Variants in CFAP70 observed in about 807,000 individuals in gnomAD.
CFAP70 encodes cilia and flagella associated protein 70, also known as cilia- and flagella-associated protein 70.
A neutral mutation model predicts 137.6 loss-of-function variants in CFAP70; 81 were observed. The observed-to-expected ratio is 0.59, with a 90% confidence interval of 0.49 to 0.71. CFAP70 has a LOEUF of 0.71. CFAP70 is among the 30% of genes least tolerant of loss of function. The pLI is 0.00. For synonymous variants in CFAP70, 382 were observed against 423.6 expected (o/e 0.90, Z 1.20); for missense variants, 976 against 1,226.7 (o/e 0.80, Z 3.05).
At chr10:73,299,498 C>G in intron 13 of CFAP70, 107 bp downstream of exon 14, 1 of 894,756 alleles carries the variant, frequency 1.1e-6, no homozygotes, top group Non-Finnish European at 1.8e-6. Context: ...AAGCTTCAAA[C>G]AAGTTTTCAC....
intron 6 of CFAP70, among the ~76,000 whole-genome samples, chr10:73,340,973 C>T (rs974275709): frequency 9.2e-5 from 14 of 152,236 alleles, no homozygotes; most frequent in African/African-American, 2.4e-4. Flanking sequence ...CTCCATGGAG[C>T]GTGTAGGCCC....
chr10:73,253,987 A>G (rs1381345321), exon 27 of CFAP70: 1 of 1,604,568 alleles, frequency 6.2e-7, no homozygotes, highest in South Asian at 1.1e-5. Flanking sequence ...AGAAAGATGG[A>G]TTTCCAAAGC....
chr10:73,323,436 CCGGGTTCATCTCACTAG>C (rs1360579026), intron 8 of CFAP70, among the ~76,000 whole-genome samples: 1 of 151,988 alleles, frequency 6.6e-6, no homozygotes, highest in Non-Finnish European at 1.5e-5. Flanking sequence ...ATCTGAGGTA[CCGGGTTCATCTCACTAG>C]GGGGTGCCAG....
chr10:73,351,800 T>C (rs2054296627), intron 3 of CFAP70, among the ~76,000 whole-genome samples: 1 of 152,266 alleles, frequency 6.6e-6, no homozygotes, highest in Non-Finnish European at 1.5e-5. Context: ...AGTTGAAACC[T>C]GGACTTTTCC....
chr10:73,347,919 C>A (rs756095615), intron 4 of CFAP70, among the ~76,000 whole-genome samples: 2 of 152,146 alleles, frequency 1.3e-5, no homozygotes, highest in Non-Finnish European at 2.9e-5. Context: ...TGCTCTATGC[C>A]CATGTGCCTC....
At chr10:73,362,331 T>G (rs2055042680), upstream of CFAP70, among the ~76,000 whole-genome samples, 1 of 152,220 alleles carries the variant, frequency 6.6e-6, no homozygotes, top group Admixed American at 6.5e-5. Flanking sequence ...GTGAAGAATG[T>G]CATTGCAATA....
chr10:73,346,099 A>C (rs1329259055), intron 4 of CFAP70, among the ~76,000 whole-genome samples: 1 of 151,346 alleles, frequency 6.6e-6, no homozygotes, highest in Non-Finnish European at 1.5e-5. Flanking sequence ...GGGTTTCAAC[A>C]TATTGGCCAG....
At chr10:73,335,441 A>G (rs769325035) in exon 7 of CFAP70, 1 of 1,609,840 alleles carries the variant, frequency 6.2e-7, no homozygotes, top group Non-Finnish European at 8.5e-7. Flanking sequence ...TGACCACTGC[A>G]GAAGGATCAA....
chr10:73,361,650 C>T (rs1245342177), upstream of CFAP70, among the ~76,000 whole-genome samples: 2 of 152,054 alleles, frequency 1.3e-5, no homozygotes, highest in Admixed American at 6.6e-5. Flanking sequence ...AATTTGAATG[C>T]CTTAGTCTGA....
intron 19 of CFAP70, among the ~76,000 whole-genome samples, chr10:73,287,400 C>T (rs963807845): frequency 2.0e-5 from 3 of 152,140 alleles, no homozygotes; most frequent in African/African-American, 7.2e-5. Flanking sequence ...TGTGATTCAT[C>T]ATTGACTGAA....
chr10:73,337,075 G>A (rs1397585295), intron 6 of CFAP70, among the ~76,000 whole-genome samples: 1 of 152,314 alleles, frequency 6.6e-6, no homozygotes, highest in East Asian at 1.9e-4. Flanking sequence ...TATAGTGTGT[G>A]TAAGTATGTA....
intron 6 of CFAP70, among the ~76,000 whole-genome samples, chr10:73,340,187 G>A (rs2053119504): frequency 6.6e-6 from 1 of 151,550 alleles, no homozygotes; most frequent in Non-Finnish European, 1.5e-5. Context: ...CACAGGCAGG[G>A]CGTCCTGATG....
chr10:73,334,921 T>C (rs912293586), intron 7 of CFAP70, among the ~76,000 whole-genome samples: 11 of 149,152 alleles, frequency 7.4e-5, no homozygotes, highest in Non-Finnish European at 1.5e-4. Flanking sequence ...TGTCACTCCA[T>C]TGCCCAGGCT....
chr10:73,339,901 C>T (rs2053088024), intron 6 of CFAP70, among the ~76,000 whole-genome samples: 1 of 152,168 alleles, frequency 6.6e-6, no homozygotes, highest in Non-Finnish European at 1.5e-5. Context: ...TTTTGTCACC[C>T]ACAATGTGAT....
intron 1 of CFAP70, among the ~76,000 whole-genome samples, chr10:73,357,410 T>C (rs1362320952): frequency 2.0e-5 from 3 of 152,086 alleles, no homozygotes; most frequent in African/African-American, 7.2e-5. Context: ...GGAAGGATAT[T>C]CCAAGAAAGG....
chr10:73,291,217 T>C lies in CFAP70; in HGVS notation c.2239+9A>G. 3 of 1,613,744 alleles carry C rather than the reference T, an allele frequency of 1.9e-6. No individual in the cohort carries two copies. Among genetic ancestry groups the C allele is most frequent in the East Asian group, 4.5e-5 (2 of 44,864 alleles). On this transcript the variant is annotated intron_variant, in intron 19 of 26. Coordinates refer to ENST00000310715, the Ensembl canonical transcript of CFAP70. ...ATAGCCACTCTTCACCTCTATTCCC[T>C]GGCTCTACCTGCTGGGGCTTCCACC...
At chr10:73,263,222 C>T (rs1419410170) in intron 25 of CFAP70, among the ~76,000 whole-genome samples, 1 of 149,640 alleles carries the variant, frequency 6.7e-6, no homozygotes, top group East Asian at 2.0e-4. Flanking sequence ...ACCTCAGCCT[C>T]CCAAGTAGCT....
intron 19 of CFAP70, among the ~76,000 whole-genome samples, chr10:73,280,549 G>A (rs566646441): frequency 3.2e-4 from 49 of 152,026 alleles, no homozygotes; most frequent in African/African-American, 9.2e-4. Flanking sequence ...AAGCCTTTTG[G>A]GCCTGAAGTT....
At chr10:73,258,204 A>C (rs962890036) in intron 25 of CFAP70, among the ~76,000 whole-genome samples, 1 of 152,256 alleles carries the variant, frequency 6.6e-6, no homozygotes, top group Non-Finnish European at 1.5e-5. Flanking sequence ...TGTTGTGGGA[A>C]GTCAGGGACA....
Sources: allele counts gnomAD v4.1 joint callset (sites outside exome capture counted in the v4.1 genomes callset), GRCh38; gene constraint gnomAD v4.1.1; transcripts MANE v1.5; gene names NCBI Gene and HGNC (gene_info 2026-07-23, HGNC 2026-07-21).